The following CAMTA1 variants were observed in gnomAD, a reference collection of about 807,000 sequenced individuals.
CAMTA1 encodes the protein calmodulin-binding transcription activator 1.
CAMTA1 carries 27 observed loss-of-function variants against 170.9 expected under a neutral mutation model. The ratio of observed to expected loss-of-function variants is 0.16; its 90% CI spans 0.12 to 0.22. CAMTA1 has a LOEUF of 0.22. Among genes scored for constraint, CAMTA1 ranks in the 10% least tolerant of loss-of-function variants. The pLI is 1.00. For missense variants in CAMTA1, 1,619 were observed against 2,217.2 expected, an observed-to-expected ratio of 0.73 and a Z score of 5.42; for synonymous variants, 833 against 891.5, an observed-to-expected ratio of 0.93 and a Z score of 1.17.
intron 3 of CAMTA1, among the ~76,000 whole-genome samples, chr1:6,855,507 G>T (rs1399502698): frequency 6.6e-6 from 1 of 151,740 alleles, no homozygotes; most frequent in Non-Finnish European, 1.5e-5. Flanking sequence ...CTTTTAAACA[G>T]TCGGATCTCC....
chr1:7,162,921 C>T (rs1647522642), intron 4 of CAMTA1, among the ~76,000 whole-genome samples: 1 of 152,142 alleles, frequency 6.6e-6, no homozygotes. Flanking sequence ...TTTATGTTCA[C>T]ACCAGAGGTT....
intron 3 of CAMTA1, among the ~76,000 whole-genome samples, chr1:6,917,926 C>T (rs984906612): frequency 1.3e-5 from 2 of 151,994 alleles, no homozygotes; most frequent in African/African-American, 4.8e-5. Context: ...GGCCATGGGT[C>T]ACAGCGAAGA....
intron 3 of CAMTA1, among the ~76,000 whole-genome samples, chr1:7,052,093 C>T (rs939348737): frequency 1.3e-5 from 2 of 152,014 alleles, no homozygotes; most frequent in African/African-American, 4.8e-5. Flanking sequence ...GGGTGGGTAT[C>T]CTTGGTCCCC....
chr1:7,245,964 C>A (rs565203744), intron 4 of CAMTA1, among the ~76,000 whole-genome samples: 1 of 152,210 alleles, frequency 6.6e-6, no homozygotes, highest in Non-Finnish European at 1.5e-5. Flanking sequence ...ACATAGGGCA[C>A]TCAGAGCGAC....
At chr1:6,953,019 C>T (rs114310187) in intron 3 of CAMTA1, among the ~76,000 whole-genome samples, 46,566 of 151,754 alleles carry the variant, frequency 0.31, 7,769 homozygotes, top group Non-Finnish European at 0.38. Context: ...GTGTGTTTTG[C>T]TTGTTTCATA....
chr1:7,204,789 A>G (rs1316883779), intron 4 of CAMTA1, among the ~76,000 whole-genome samples: 1 of 116,742 alleles, frequency 8.6e-6, no homozygotes, highest in Non-Finnish European at 1.9e-5. Flanking sequence ...TATTATTGTT[A>G]TTATTTTGGG....
chr1:7,633,020 C>A lies in CAMTA1; in HGVS notation c.511-7380C>A, dbSNP rs962821055. Reference sequence around the variant, plus strand: ...CGTCCTGAGCCCTCTGCCTGCCTCACCCCCTCCTGGCAAGGTTCAGGCTAG... The same window carrying A: ...CGTCCTGAGCCCTCTGCCTGCCTCAACCCCTCCTGGCAAGGTTCAGGCTAG... On this transcript the variant is annotated intron_variant, in intron 6 of 22. Transcript: ENST00000303635. This position sits in a 1 kb window ranked among gnomAD's most constrained non-coding sequence, Gnocchi z 4.1. Among the ~76,000 whole-genome samples, 1 of 152,250 alleles carries A rather than the reference C, an allele frequency of 6.6e-6. No individual in the cohort carries two copies. Among genetic ancestry groups the A allele is most frequent in the Admixed American group, 6.5e-5 (1 of 15,292 alleles).
intron 20 of CAMTA1, among the ~76,000 whole-genome samples, chr1:7,751,642 A>G (rs1577414058): frequency 6.6e-6 from 1 of 152,030 alleles, no homozygotes; most frequent in East Asian, 1.9e-4. Flanking sequence ...TTTACCTTAT[A>G]TCAGAATTTG....
intron 3 of CAMTA1, among the ~76,000 whole-genome samples, chr1:7,070,305 A>T (rs1006543622): frequency 6.6e-6 from 1 of 152,202 alleles, no homozygotes; most frequent in African/African-American, 2.4e-5. Context: ...TTTCACGGGA[A>T]TTCATGAAGG....
chr1:7,118,944 G>A (rs1483517449), intron 4 of CAMTA1, among the ~76,000 whole-genome samples: 1 of 152,210 alleles, frequency 6.6e-6, no homozygotes, highest in Non-Finnish European at 1.5e-5. Context: ...TTATGCTGAA[G>A]AGTAGCGTGC....
At chr1:6,919,797 A>G (rs755742478) in intron 3 of CAMTA1, among the ~76,000 whole-genome samples, 1 of 151,074 alleles carries the variant, frequency 6.6e-6, no homozygotes, top group East Asian at 1.9e-4. Flanking sequence ...GTGCAGGGAA[A>G]CTCCCCCTTA....
intron 3 of CAMTA1, among the ~76,000 whole-genome samples, chr1:6,891,591 C>G (rs1462951003): frequency 1.3e-5 from 2 of 152,168 alleles, no homozygotes; most frequent in African/African-American, 4.8e-5. Flanking sequence ...AGTATTTCAA[C>G]TAGGCGTTTT....
At chr1:7,055,033 G>T (rs1322004490) in intron 3 of CAMTA1, among the ~76,000 whole-genome samples, 1 of 152,064 alleles carries the variant, frequency 6.6e-6, no homozygotes, top group African/African-American at 2.4e-5. Context: ...ACCAGATCTT[G>T]CGAAACTCAC....
intron 4 of CAMTA1, among the ~76,000 whole-genome samples, chr1:7,108,876 G>A (rs1387723412): frequency 3.9e-5 from 6 of 152,224 alleles, no homozygotes; most frequent in South Asian, 2.1e-4. Context: ...GGTTTCTCTC[G>A]GGGCTGCAGT....
chr1:6,992,872 C>T (rs1014024816), intron 3 of CAMTA1, among the ~76,000 whole-genome samples: 1 of 152,194 alleles, frequency 6.6e-6, no homozygotes, highest in Non-Finnish European at 1.5e-5. Flanking sequence ...GACACAAATC[C>T]CAACCATGTC....
chr1:7,563,230 C>G (rs1557922026), intron 6 of CAMTA1, among the ~76,000 whole-genome samples: 1 of 152,348 alleles, frequency 6.6e-6, no homozygotes, highest in African/African-American at 2.4e-5. Flanking sequence ...GCCACAGAGA[C>G]AGGACACTAA....
chr1:7,112,129 G>A (rs34319688), intron 4 of CAMTA1, among the ~76,000 whole-genome samples: 49,136 of 151,850 alleles, frequency 0.32, 8,638 homozygotes, highest in Middle Eastern at 0.4. Context: ...GTGGGTCGCC[G>A]GTGCATTTGT....
At position 7,680,726 on chromosome 1, in the gene CAMTA1, C is replaced by T. The variant is rs2096185668; in HGVS notation, c.2914+2993C>T. ...CGCCCTTTGTCCCCTCTGCCATGCG[C>T]GGGGGAAAATGTTTGAGGGCGGGGA... On this transcript the variant is annotated intron_variant, in intron 11 of 22. Coordinates refer to ENST00000303635, the MANE Select transcript of CAMTA1 (RefSeq NM_015215.4). This position sits in a 1 kb window ranked among gnomAD's most constrained non-coding sequence, Gnocchi z 4.4. Among the ~76,000 whole-genome samples the T allele has an allele frequency of 6.6e-6, 1 of 151,084 alleles. No individual in the cohort carries two copies. Among genetic ancestry groups the T allele is most frequent in the African/African-American group, 2.4e-5 (1 of 41,048 alleles).
At chr1:7,441,880 G>A (rs1214450338) in intron 5 of CAMTA1, among the ~76,000 whole-genome samples, 5 of 152,178 alleles carry the variant, frequency 3.3e-5, no homozygotes, top group African/African-American at 1.2e-4. Context: ...ACCAACGTGG[G>A]TTCTGCCTCC....
Sources: gnomAD v4.1 joint callset for allele counts (sites outside exome capture counted in the v4.1 genomes callset) on GRCh38, gnomAD v4.1.1 for gene constraint, Gnocchi (gnomAD v3.1) non-coding constraint, MANE v1.5 for transcripts, NCBI Gene and HGNC (gene_info 2026-07-23, HGNC 2026-07-21) for gene names.